APELA: variants seen among roughly 807,000 people sequenced by gnomAD.
APELA encodes protein Elabela.
chr4:164,889,645 G>A (rs993641973), intron 2 of APELA, among the ~76,000 whole-genome samples: 7 of 152,100 alleles, frequency 4.6e-5, no homozygotes, highest in Non-Finnish European at 7.4e-5. Flanking sequence ...GTGGTTTCTT[G>A]CACCTATCAA....
chr4:164,880,016 G>A (rs1730628299), intron 2 of APELA, among the ~76,000 whole-genome samples: 1 of 152,158 alleles, frequency 6.6e-6, no homozygotes, highest in South Asian at 2.1e-4. Context: ...CCAAGTTTAA[G>A]TCACTTCATA....
downstream of APELA, among the ~76,000 whole-genome samples, chr4:164,897,882 T>C (rs537233154): frequency 6.8e-4 from 104 of 152,078 alleles, no homozygotes; most frequent in African/African-American, 2.4e-3. Flanking sequence ...TTTTTATGGG[T>C]TGGTATTCTT....
intron 2 of APELA, among the ~76,000 whole-genome samples, chr4:164,890,234 T>C (rs538907888): frequency 6.6e-6 from 1 of 152,362 alleles, no homozygotes; most frequent in Non-Finnish European, 1.5e-5. Context: ...TATGCATGTT[T>C]AATTTTTTTC....
At chr4:164,882,124 C>T (rs1418593379) in intron 2 of APELA, among the ~76,000 whole-genome samples, 2 of 151,786 alleles carry the variant, frequency 1.3e-5, no homozygotes, top group African/African-American at 4.8e-5. Context: ...TTTTTTGAGA[C>T]AGAGTTTTCA....
chr4:164,888,617 A>G (rs1046579881), intron 2 of APELA, among the ~76,000 whole-genome samples: 33 of 152,298 alleles, frequency 2.2e-4, no homozygotes, highest in African/African-American at 7.2e-4. Context: ...ACACTTGTAC[A>G]TATTCAGTCT....
At chr4:164,894,350 C>T (rs1011402171) in intron 2 of APELA, among the ~76,000 whole-genome samples, 1 of 152,012 alleles carries the variant, frequency 6.6e-6, no homozygotes, top group Admixed American at 6.6e-5. Context: ...AAAAATCCAT[C>T]TCATTTTCAT....
At chr4:164,885,538 C>T (rs557631802) in intron 2 of APELA, among the ~76,000 whole-genome samples, 20 of 151,956 alleles carry the variant, frequency 1.3e-4, no homozygotes, top group Admixed American at 9.2e-4. Flanking sequence ...GTCAGGAGTT[C>T]GAGACCAGCC....
chr4:164,877,544 T>G (rs1730577406), intron 1 of APELA, 137 bp downstream of exon 1: 1 of 396,294 alleles, frequency 2.5e-6, no homozygotes, highest in Non-Finnish European at 4.5e-6. Context: ...TGTGTAGGAT[T>G]TTGAAAGTAT....
chr4:164,896,579 A>G lies in APELA; in HGVS notation c.*1165A>G, dbSNP rs907984957. ...GGTGTTCATCCTGAGATGCTGAGAC[A>G]TGGAAATAAAAAATCAGAAGGAATT... On this transcript the variant is annotated 3_prime_UTR_variant, in exon 3 of 3. Coordinates refer to ENST00000507152, the MANE Select transcript of APELA (RefSeq NM_001297550.2). The G allele has an allele frequency of 6.6e-6, 1 of 152,234 alleles. No individual in the cohort carries two copies. Among genetic ancestry groups the G allele is most frequent in the East Asian group, 1.9e-4 (1 of 5,180 alleles). 9.4% of individuals were successfully genotyped at this position (152,234 alleles called of 1,614,324 possible). A position where few individuals can be genotyped will look rare whatever the true frequency, so the allele number is the denominator to read the frequency against.
intron 2 of APELA, among the ~76,000 whole-genome samples, chr4:164,889,326 G>A (rs994948143): frequency 3.3e-5 from 5 of 151,832 alleles, no homozygotes; most frequent in East Asian, 1.9e-4. Context: ...TTATATATAC[G>A]AAAATTATAT....
downstream of APELA, among the ~76,000 whole-genome samples, chr4:164,898,563 G>T (rs1337450801): frequency 6.6e-6 from 1 of 150,566 alleles, no homozygotes; most frequent in Non-Finnish European, 1.5e-5. Flanking sequence ...CAAAGGAAAA[G>T]ACTTTACAGA....
chr4:164,886,018 A>T (rs73871526), intron 2 of APELA, among the ~76,000 whole-genome samples: 1 of 152,136 alleles, frequency 6.6e-6, no homozygotes, highest in African/African-American at 2.4e-5. Context: ...TTTAAAATAA[A>T]CTTCATCCTC....
At chr4:164,892,373 T>G (rs1298954275) in intron 2 of APELA, among the ~76,000 whole-genome samples, 1 of 152,138 alleles carries the variant, frequency 6.6e-6, no homozygotes, top group African/African-American at 2.4e-5. Flanking sequence ...CACATATATA[T>G]GTATATATAT....
intron 2 of APELA, among the ~76,000 whole-genome samples, chr4:164,892,356 TCA>T (rs1236850479): frequency 6.6e-6 from 1 of 152,104 alleles, no homozygotes; most frequent in Non-Finnish European, 1.5e-5. Flanking sequence ...AAATATATAT[TCA>T]CACACACATA....
At chr4:164,894,324 A>G (rs1326037401) in intron 2 of APELA, among the ~76,000 whole-genome samples, 1 of 149,312 alleles carries the variant, frequency 6.7e-6, no homozygotes, top group Non-Finnish European at 1.5e-5. Context: ...TATATATTGT[A>G]AGTTTGATAA....
intron 2 of APELA, among the ~76,000 whole-genome samples, chr4:164,892,625 C>T (rs148536244): frequency 6.1e-4 from 93 of 152,148 alleles, no homozygotes; most frequent in African/African-American, 2.1e-3. Flanking sequence ...ATTGGGTAAC[C>T]ATAAAATGAC....
intron 2 of APELA, among the ~76,000 whole-genome samples, chr4:164,889,231 T>C (rs1730836018): frequency 6.6e-6 from 1 of 152,160 alleles, no homozygotes; most frequent in Admixed American, 6.6e-5. Flanking sequence ...TCTTTAGGTA[T>C]CACATTTCAT....
At chr4:164,881,977 G>A (rs1009988302) in intron 2 of APELA, among the ~76,000 whole-genome samples, 1 of 151,996 alleles carries the variant, frequency 6.6e-6, no homozygotes, top group Non-Finnish European at 1.5e-5. Flanking sequence ...CCAGGAGTTT[G>A]AGGCTGCAGT....
At chr4:164,883,755 G>A (rs888066125) in intron 2 of APELA, among the ~76,000 whole-genome samples, 4 of 151,420 alleles carry the variant, frequency 2.6e-5, no homozygotes, top group African/African-American at 9.7e-5. Flanking sequence ...CAAAGTGCTG[G>A]GATTACAGGC....
Sources: gnomAD v4.1 joint callset for allele counts (sites outside exome capture counted in the v4.1 genomes callset) on GRCh38, gnomAD v4.1.1 for gene constraint, MANE v1.5 for transcripts, NCBI Gene and HGNC (gene_info 2026-07-23, HGNC 2026-07-21) for gene names.